PREX2: variants seen among roughly 807,000 people sequenced by gnomAD.
PREX2 encodes the protein phosphatidylinositol 3,4,5-trisphosphate-dependent Rac exchanger 2 protein.
A neutral mutation model predicts 203.2 loss-of-function variants in PREX2; 107 were observed. The observed-to-expected ratio is 0.53, with a 90% CI of 0.45 to 0.62. The LOEUF is 0.62. PREX2 is among the 20% of genes least tolerant of loss of function. The pLI is 0.00. For synonymous variants in PREX2, 672 were observed against 663.6 expected (o/e 1.01, Z -0.19); for missense variants, 1,777 against 1,955.9 (o/e 0.91, Z 1.72).
chr8:68,158,123 G>GTA (rs1491329081), intron 35 of PREX2, among the ~76,000 whole-genome samples: 2 of 134,840 alleles, frequency 1.5e-5, no homozygotes, highest in Admixed American at 7.6e-5. Flanking sequence ...GTATATATAT[G>GTA]TATATATATA....
chr8:68,113,655 A>G (rs1362179196), intron 25 of PREX2, among the ~76,000 whole-genome samples: 2 of 152,182 alleles, frequency 1.3e-5, no homozygotes, highest in African/African-American at 4.8e-5. Flanking sequence ...AATATTGTTC[A>G]AATCTCACCT....
chr8:68,206,694 T>C (rs1214874972), intron 37 of PREX2, among the ~76,000 whole-genome samples: 1 of 152,190 alleles, frequency 6.6e-6, no homozygotes, highest in Non-Finnish European at 1.5e-5. Flanking sequence ...TAAAAAGAAT[T>C]AGACGTTTAT....
intron 1 of PREX2, among the ~76,000 whole-genome samples, chr8:67,974,616 C>T (rs1806019262): frequency 6.6e-6 from 1 of 151,816 alleles, no homozygotes; most frequent in Non-Finnish European, 1.5e-5. Flanking sequence ...TTGGGTTGGC[C>T]AAGTATGAGG....
intron 24 of PREX2, chr8:68,109,016 G>A: frequency 2.2e-6 from 1 of 453,276 alleles, no homozygotes; most frequent in South Asian, 1.6e-5. Context: ...TAGAAGTAGA[G>A]AGTAGAATGG....
At chr8:68,140,859 G>A (rs954723649) in intron 33 of PREX2, among the ~76,000 whole-genome samples, 2 of 152,052 alleles carry the variant, frequency 1.3e-5, no homozygotes, top group African/African-American at 4.8e-5. Context: ...TATATTTATA[G>A]CATCGCCTAT....
intron 9 of PREX2, among the ~76,000 whole-genome samples, chr8:68,055,304 C>T (rs6998817): frequency 0.57 from 86,914 of 151,622 alleles, 26,349 homozygotes; most frequent in African/African-American, 0.78. Context: ...CCCATGGCTC[C>T]GGGCCTCCAA....
chr8:68,209,524 T>G (rs1214034955), intron 37 of PREX2, among the ~76,000 whole-genome samples: 1 of 152,184 alleles, frequency 6.6e-6, no homozygotes, highest in East Asian at 1.9e-4. Context: ...CTTATATACA[T>G]AATCTCTGAA....
At chr8:68,196,434 A>AT (rs575983978) in intron 37 of PREX2, among the ~76,000 whole-genome samples, 2 of 146,974 alleles carry the variant, frequency 1.4e-5, no homozygotes, top group East Asian at 4.0e-4. Flanking sequence ...TGAATTATAT[A>AT]TTTTTTTATA....
chr8:68,108,990 A>G (rs887244733), intron 24 of PREX2: 4 of 446,090 alleles, frequency 9.0e-6, no homozygotes, highest in Non-Finnish European at 1.8e-5. Flanking sequence ...TGAGAAATAT[A>G]AAAAAGTTGA....
chr8:68,081,944 A>AC lies in PREX2; in HGVS notation c.1878+1108dup, dbSNP rs556057089. 2.2e-3 allele frequency among the ~76,000 whole-genome samples: 332 copies of AC among 150,964 alleles called. 3 individuals are homozygous for AC. The highest frequency in any genetic ancestry group is 6.8e-3 in the Middle Eastern group (2 of 294). ...ACTCCTGACCTTAAGTGATCTGCCC[A>AC]CCTCAGCCTCCCAAAGTTCTGGGAT... On this transcript the variant is annotated intron_variant, in intron 17 of 39. Transcript: ENST00000288368.
chr8:68,164,212 A>G (rs1297901189), intron 35 of PREX2, among the ~76,000 whole-genome samples: 1 of 152,180 alleles, frequency 6.6e-6, no homozygotes, highest in Non-Finnish European at 1.5e-5. Flanking sequence ...GAATAGAAGT[A>G]AACAATAGAA....
chr8:68,120,895 A>T (rs1275489965), intron 29 of PREX2, 26 bp from the exon 30 acceptor site: 1 of 1,604,898 alleles, frequency 6.2e-7, no homozygotes, highest in East Asian at 2.2e-5. Flanking sequence ...TTTGAGACTT[A>T]AGAGAGATTT....
At chr8:68,216,526 A>AT (rs924580050) in intron 37 of PREX2, among the ~76,000 whole-genome samples, 37 of 135,540 alleles carry the variant, frequency 2.7e-4, no homozygotes, top group Admixed American at 8.9e-4. Flanking sequence ...GCAAAAGAAC[A>AT]TTTTTTTAAT....
chr8:68,003,896 TG>T (rs1394314489), intron 1 of PREX2, among the ~76,000 whole-genome samples: 1 of 143,508 alleles, frequency 7.0e-6, no homozygotes, highest in African/African-American at 2.6e-5. Context: ...CTCGCCAGGC[TG>T]GAGTGCAGTG....
rs201579266 is a variant in PREX2 at position 68,047,488 on chromosome 8, TATATATATATATATATATACAC to T, written c.943+2902_943+2923del. ...ATGAATTTATATATATATATATATA[TATATATATATATATATATACAC>T]ATACATATATATATATGTATTTTTT... On this transcript the variant is annotated intron_variant, in intron 8 of 39. Coordinates refer to ENST00000288368, the MANE Select transcript of PREX2 (RefSeq NM_024870.4). 1.7e-3 allele frequency among the ~76,000 whole-genome samples: 185 copies of T among 110,352 alleles called. 2 individuals carry two copies. The East Asian group carries it at 0.023, about 14-fold the overall frequency. The allele number at this position is 110,352 out of a possible 152,430, so 72.4% of individuals were successfully genotyped here.
chr8:68,077,425 T>A lies in PREX2; in HGVS notation c.1598T>A (p.Met533Lys), dbSNP rs1809384029. The A allele has an allele frequency of 1.9e-6, 3 of 1,611,988 alleles. No individual in the cohort carries two copies. Among genetic ancestry groups the A allele is most frequent in the East Asian group, 4.5e-5 (2 of 44,840 alleles). ...GATTGCCGCACCAGAGAAGAGGCAATGATATTTGGCGTTGGACTCTGTGAC... is the reference window on the plus strand; with the variant it reads ...GATTGCCGCACCAGAGAAGAGGCAAAGATATTTGGCGTTGGACTCTGTGAC... ...QGDCRTREEA[M>K]IFGVGLCDNG... is the part of the protein sequence containing the mutation. The change falls in exon 15 of 40, where the codon ATG becomes AAG. Residue 533 changes from methionine to lysine, a missense_variant. By Grantham distance (95) the Met-to-Lys change is moderately conservative (BLOSUM62 -1). Coordinates refer to ENST00000288368, the MANE Select transcript of PREX2 (RefSeq NM_024870.4).
At chr8:68,181,745 G>T (rs1481925546) in intron 35 of PREX2, among the ~76,000 whole-genome samples, 1 of 151,908 alleles carries the variant, frequency 6.6e-6, no homozygotes, top group African/African-American at 2.4e-5. Context: ...AAATTGTTTG[G>T]AGCTATTATT....
At chr8:68,083,564 G>A (rs1809594878) in intron 18 of PREX2, among the ~76,000 whole-genome samples, 176 bp downstream of exon 18, 1 of 152,148 alleles carries the variant, frequency 6.6e-6, no homozygotes, top group Non-Finnish European at 1.5e-5. Flanking sequence ...CGCTTGTGAT[G>A]CTGACATACT....
chr8:67,960,058 A>ATTT, intron 1 of PREX2, among the ~76,000 whole-genome samples: 1 of 151,648 alleles, frequency 6.6e-6, no homozygotes, highest in East Asian at 1.9e-4. Context: ...TTAATTAATT[A>ATTT]ATTTATTGAT....
Sources: allele counts gnomAD v4.1 joint callset (sites outside exome capture counted in the v4.1 genomes callset), GRCh38; gene constraint gnomAD v4.1.1; transcripts MANE v1.5; gene names NCBI Gene and HGNC (gene_info 2026-07-23, HGNC 2026-07-21).